The following IMMP2L variants were observed in gnomAD, a reference collection of about 807,000 sequenced individuals.
IMMP2L encodes the protein inner mitochondrial membrane peptidase subunit 2.
IMMP2L carries 18 observed loss-of-function variants against 19.3 expected under a neutral mutation model. The ratio of observed to expected loss-of-function variants is 0.93; its 90% CI spans 0.64 to 1.38. The LOEUF (loss-of-function observed/expected upper bound fraction) is 1.38. Ranked by LOEUF, IMMP2L falls within the 40% of genes most tolerant of loss-of-function variation. The pLI is 0.00. For missense variants in IMMP2L, 233 were observed against 218.2 expected, an observed-to-expected ratio of 1.07 and a Z score of -0.43; for synonymous variants, 76 against 73.0, an observed-to-expected ratio of 1.04 and a Z score of -0.21.
Position 110,667,165 on chromosome 7 carries a change from C to T in IMMP2L, c.409-3444G>A, listed in dbSNP as rs190722247. On this transcript the variant is annotated intron_variant, in intron 5 of 5. Transcript: ENST00000405709. Reference sequence around the variant, plus strand: ...GATTACAGGCGTGAGCCACTGCGCCCGGCCTGGAATAAATTCTTTTTTTTC... The same window carrying T: ...GATTACAGGCGTGAGCCACTGCGCCTGGCCTGGAATAAATTCTTTTTTTTC... Among the ~76,000 whole-genome samples the T allele has an allele frequency of 3.0e-3, 452 of 152,258 alleles. 1 individual carries two copies. Among genetic ancestry groups the T allele is most frequent in the East Asian group, 8.9e-3 (46 of 5,174 alleles).
chr7:111,529,606 A>G (rs1847205556), intron 1 of IMMP2L, among the ~76,000 whole-genome samples: 1 of 152,202 alleles, frequency 6.6e-6, no homozygotes, highest in African/African-American at 2.4e-5. Context: ...GAGGAAAACC[A>G]GCCAAAAATA....
chr7:111,300,198 C>A (rs1465939620), intron 3 of IMMP2L, among the ~76,000 whole-genome samples: 1 of 152,074 alleles, frequency 6.6e-6, no homozygotes, highest in African/African-American at 2.4e-5. Flanking sequence ...ACATCCTGTA[C>A]TTTTAAGTGC....
intron 3 of IMMP2L, among the ~76,000 whole-genome samples, chr7:111,371,930 T>C (rs1347837308): frequency 1.3e-5 from 2 of 152,012 alleles, no homozygotes; most frequent in African/African-American, 4.8e-5. Flanking sequence ...GAGTCTTAAG[T>C]TTCATAACTG....
chr7:111,254,211 C>T (rs1372563954), intron 3 of IMMP2L, among the ~76,000 whole-genome samples: 2 of 149,528 alleles, frequency 1.3e-5, no homozygotes, highest in African/African-American at 5.1e-5. Context: ...TGTAAAGTTG[C>T]TTGTCTGTTT....
chr7:111,453,735 C>T (rs972936853), intron 3 of IMMP2L, among the ~76,000 whole-genome samples: 3 of 152,104 alleles, frequency 2.0e-5, no homozygotes, highest in Admixed American at 2.0e-4. Context: ...TGTCTTGATC[C>T]AACCCAAGAA....
intron 5 of IMMP2L, among the ~76,000 whole-genome samples, chr7:110,859,049 C>T (rs561234891): frequency 6.6e-6 from 1 of 152,130 alleles, no homozygotes; most frequent in South Asian, 2.1e-4. Context: ...AACAGATAAG[C>T]AACTGGTTGA....
chr7:111,096,865 T>C (rs568633932), intron 3 of IMMP2L, among the ~76,000 whole-genome samples: 1 of 152,074 alleles, frequency 6.6e-6, no homozygotes, highest in East Asian at 1.9e-4. Flanking sequence ...ACTGGTATAT[T>C]TGTAAACTAC....
intron 3 of IMMP2L, among the ~76,000 whole-genome samples, chr7:111,200,212 G>A (rs1809951071): frequency 6.6e-6 from 1 of 151,970 alleles, no homozygotes; most frequent in Admixed American, 6.6e-5. Flanking sequence ...CTAACCAAAG[G>A]TGATATAACA....
At chr7:111,111,660 C>T (rs979543564) in intron 3 of IMMP2L, among the ~76,000 whole-genome samples, 4 of 151,704 alleles carry the variant, frequency 2.6e-5, no homozygotes, top group Admixed American at 6.6e-5. Flanking sequence ...AACTAATGTC[C>T]CCCCCTGCGT....
intron 3 of IMMP2L, among the ~76,000 whole-genome samples, chr7:111,267,749 A>G (rs1399342845): frequency 6.6e-6 from 1 of 152,106 alleles, no homozygotes; most frequent in Non-Finnish European, 1.5e-5. Flanking sequence ...CTCCAGGGGT[A>G]ATATTACTTC....
At chr7:111,500,265 C>T (rs971333086) in intron 2 of IMMP2L, among the ~76,000 whole-genome samples, 29 of 152,154 alleles carry the variant, frequency 1.9e-4, no homozygotes, top group African/African-American at 6.5e-4. Flanking sequence ...GGAAGGGGCG[C>T]CTGCCATTGC....
intron 3 of IMMP2L, among the ~76,000 whole-genome samples, chr7:111,002,311 G>C (rs1394004100): frequency 1.3e-5 from 2 of 152,130 alleles, no homozygotes; most frequent in African/African-American, 4.8e-5. Flanking sequence ...AAGATCCCAG[G>C]AGAACGAATG....
At chr7:111,077,357 G>C (rs1334610389) in intron 3 of IMMP2L, among the ~76,000 whole-genome samples, 1 of 152,128 alleles carries the variant, frequency 6.6e-6, no homozygotes, top group African/African-American at 2.4e-5. Flanking sequence ...AATTCTGTTT[G>C]GGGATGAGGG....
chr7:110,707,087 G>T (rs1794752838), intron 5 of IMMP2L, among the ~76,000 whole-genome samples: 1 of 93,234 alleles, frequency 1.1e-5, no homozygotes, highest in Non-Finnish European at 2.1e-5. Flanking sequence ...CATGTGCCAT[G>T]CTGGTGCGCT....
chr7:110,684,765 C>T (rs899088506), intron 5 of IMMP2L, among the ~76,000 whole-genome samples: 14 of 151,966 alleles, frequency 9.2e-5, no homozygotes, highest in South Asian at 4.1e-4. Flanking sequence ...TGCCCTCTCC[C>T]GGTGCTAAGA....
At chr7:110,892,980 T>A (rs1019019823) in intron 4 of IMMP2L, among the ~76,000 whole-genome samples, 3 of 152,114 alleles carry the variant, frequency 2.0e-5, no homozygotes, top group African/African-American at 4.8e-5. Flanking sequence ...GTCACTACAG[T>A]TTTGCCTTTT....
chr7:110,766,685 C>A (rs1798689716), intron 5 of IMMP2L, among the ~76,000 whole-genome samples: 1 of 151,346 alleles, frequency 6.6e-6, no homozygotes, highest in African/African-American at 2.4e-5. Context: ...ATTAATTTGC[C>A]ATTTTTAATC....
At position 110,959,728 on chromosome 7, in the gene IMMP2L, G is replaced by C. The variant is rs543752707; in HGVS notation, c.305+3772C>G. On this transcript the variant is annotated intron_variant, in intron 4 of 5. Coordinates refer to ENST00000405709, the MANE Select transcript of IMMP2L (RefSeq NM_032549.4). ...TGCTACATGATAGAGGTGTACCAAA[G>C]GGGGACAGATAGACCCATATGACCC... Among the ~76,000 whole-genome samples the C allele has an allele frequency of 6.6e-5, 10 of 152,006 alleles. No individual in the cohort carries two copies. The East Asian group carries it at 1.9e-3, about 30-fold the overall frequency.
intron 3 of IMMP2L, among the ~76,000 whole-genome samples, chr7:111,242,859 C>T (rs115094033): frequency 0.019 from 2,822 of 151,952 alleles, 115 homozygotes; most frequent in African/African-American, 0.065. Context: ...TTTTGGACTC[C>T]GACATACTAT....
Sources: allele counts gnomAD v4.1 joint callset (sites outside exome capture counted in the v4.1 genomes callset), GRCh38; gene constraint gnomAD v4.1.1; transcripts MANE v1.5; gene names NCBI Gene and HGNC (gene_info 2026-07-23, HGNC 2026-07-21).